The following EEFSEC variants were observed in gnomAD, a reference collection of about 807,000 sequenced individuals.
EEFSEC encodes eukaryotic elongation factor, selenocysteine-tRNA specific.
Under a neutral mutation model 42.1 loss-of-function variants are expected in EEFSEC, and 43 were observed. That is an observed-to-expected ratio of 1.02 (90% confidence interval 0.80 to 1.32). The LOEUF is 1.32. Among genes scored for constraint, EEFSEC ranks in the 40% most tolerant of loss-of-function variants. The pLI is 0.00. For missense variants in EEFSEC, 745 were observed against 803.6 expected (o/e 0.93, Z 0.88); for synonymous variants, 354 against 339.1 (o/e 1.04, Z -0.48).
At chr3:128,182,912 G>A (rs895902192) in intron 1 of EEFSEC, among the ~76,000 whole-genome samples, 30 of 151,870 alleles carry the variant, frequency 2.0e-4, no homozygotes, top group Non-Finnish European at 3.4e-4. Context: ...GTCTAGTAGT[G>A]GGGGTGGGCG....
chr3:128,383,430 T>G (rs1054881310), intron 6 of EEFSEC, among the ~76,000 whole-genome samples: 10 of 152,260 alleles, frequency 6.6e-5, no homozygotes, highest in African/African-American at 2.2e-4. Context: ...CTAAGCACTT[T>G]CTGTTATATG....
chr3:128,366,263 T>C (rs1108312), intron 6 of EEFSEC, among the ~76,000 whole-genome samples: 6,429 of 152,282 alleles, frequency 0.042, 444 homozygotes, highest in African/African-American at 0.15. Flanking sequence ...TATGGGCTGG[T>C]GACCAGAAGG....
At chr3:128,229,705 A>G (rs1003420166) in intron 1 of EEFSEC, among the ~76,000 whole-genome samples, 1 of 152,198 alleles carries the variant, frequency 6.6e-6, no homozygotes, top group Non-Finnish European at 1.5e-5. Flanking sequence ...ATTTTTTTCA[A>G]TTGGTTGTCA....
At chr3:128,413,093 A>G (rs897797729), downstream of EEFSEC, among the ~76,000 whole-genome samples, 14 of 152,044 alleles carry the variant, frequency 9.2e-5, no homozygotes, top group South Asian at 2.9e-3. Context: ...CAACACAAAC[A>G]GGGGGCAGAG....
chr3:128,372,557 C>A (rs1214310423), intron 6 of EEFSEC, among the ~76,000 whole-genome samples: 2 of 152,176 alleles, frequency 1.3e-5, no homozygotes, highest in Non-Finnish European at 2.9e-5. Flanking sequence ...GCTGGGGGTA[C>A]AGAGGGCCTG....
chr3:128,255,175 G>T (rs2066228795), intron 2 of EEFSEC, among the ~76,000 whole-genome samples: 2 of 152,152 alleles, frequency 1.3e-5, no homozygotes, highest in Non-Finnish European at 2.9e-5. Context: ...TGGCCCTCAT[G>T]GTCAGTATGC....
At chr3:128,382,423 A>T (rs967630102) in intron 6 of EEFSEC, among the ~76,000 whole-genome samples, 2 of 152,096 alleles carry the variant, frequency 1.3e-5, no homozygotes, top group African/African-American at 4.8e-5. Flanking sequence ...GGCTCCATGC[A>T]GGTGCGCCTA....
At position 128,248,008 on chromosome 3, in the gene EEFSEC, C is replaced by T. The variant is rs1198067069; in HGVS notation, c.524+965C>T. 4.6e-5 allele frequency among the ~76,000 whole-genome samples: 7 copies of T among 152,082 alleles called. No individual in the cohort carries two copies. The East Asian group carries it at 5.8e-4, about 13-fold the overall frequency. On this transcript the variant is annotated intron_variant, in intron 2 of 6. Transcript: ENST00000254730. ...AGTGCTACCTAGAAGGGCAGGGGTG[C>T]GGGAGGCACAGGGGGACTGTGAGAC...
intron 1 of EEFSEC, among the ~76,000 whole-genome samples, chr3:128,192,288 G>A (rs1576533472): frequency 6.6e-6 from 1 of 152,144 alleles, no homozygotes; most frequent in Non-Finnish European, 1.5e-5. Flanking sequence ...AACCTGACAC[G>A]GTTGGGTGTG....
chr3:128,266,518 G>A (rs757188193), intron 4 of EEFSEC, among the ~76,000 whole-genome samples: 2 of 151,918 alleles, frequency 1.3e-5, no homozygotes, highest in African/African-American at 2.4e-5. Context: ...ACTTCCTTCT[G>A]CAGGGGCCAG....
Position 128,401,351 on chromosome 3 carries a change from A to G in EEFSEC, c.1601-6718A>G, listed in dbSNP as rs530245533. Among the ~76,000 whole-genome samples, 10 of 152,272 alleles carry G rather than the reference A, an allele frequency of 6.6e-5. No homozygotes were observed. The South Asian group carries it at 1.2e-3, about 19-fold the overall frequency. On this transcript the variant is annotated intron_variant, in intron 6 of 6. Transcript: ENST00000254730. Reference sequence around the variant, plus strand: ...ATCCATACTCATTCCCTTTGTTTTCATCAAACCTCCCTGAGCCCGTGTGCT... The same window carrying G: ...ATCCATACTCATTCCCTTTGTTTTCGTCAAACCTCCCTGAGCCCGTGTGCT...
chr3:128,278,395 C>G (rs2066490271), intron 4 of EEFSEC, among the ~76,000 whole-genome samples: 1 of 152,140 alleles, frequency 6.6e-6, no homozygotes, highest in African/African-American at 2.4e-5. Context: ...AGTGACAGGC[C>G]AGGTGGAGGA....
At chr3:128,399,888 C>T (rs943873823) in intron 6 of EEFSEC, among the ~76,000 whole-genome samples, 3 of 152,178 alleles carry the variant, frequency 2.0e-5, no homozygotes, top group African/African-American at 7.2e-5. Context: ...GCCCTGCTAG[C>T]AGGCAGAGGG....
At chr3:128,296,584 T>C (rs1336489316) in intron 4 of EEFSEC, among the ~76,000 whole-genome samples, 5 of 152,168 alleles carry the variant, frequency 3.3e-5, no homozygotes, top group Non-Finnish European at 7.4e-5. Flanking sequence ...TGTCTCCTCG[T>C]CATCCGCACA....
chr3:128,368,026 TGCTGCCACA>T (rs2067610821), intron 6 of EEFSEC, among the ~76,000 whole-genome samples: 1 of 152,242 alleles, frequency 6.6e-6, no homozygotes, highest in Admixed American at 6.5e-5. Flanking sequence ...GCCAGGATGG[TGCTGCCACA>T]GCCTAGATCC....
intron 1 of EEFSEC, among the ~76,000 whole-genome samples, chr3:128,244,071 T>A (rs960628573): frequency 2.0e-5 from 3 of 152,148 alleles, no homozygotes; most frequent in Non-Finnish European, 4.4e-5. Flanking sequence ...GGGCACAGCT[T>A]CACCCACCGG....
At chr3:128,173,729 G>C (rs2065321471) in intron 1 of EEFSEC, among the ~76,000 whole-genome samples, 1 of 152,164 alleles carries the variant, frequency 6.6e-6, no homozygotes, top group African/African-American at 2.4e-5. Flanking sequence ...ATTAGTGTCA[G>C]CTTCCAGTTT....
intron 6 of EEFSEC, among the ~76,000 whole-genome samples, chr3:128,364,763 G>C (rs2067568675): frequency 6.6e-6 from 1 of 152,202 alleles, no homozygotes; most frequent in Non-Finnish European, 1.5e-5. Context: ...GGAAGCAGGG[G>C]CTGGGAAGGC....
intron 4 of EEFSEC, among the ~76,000 whole-genome samples, chr3:128,330,312 G>A (rs1252776348): frequency 6.6e-6 from 1 of 152,162 alleles, no homozygotes; most frequent in African/African-American, 2.4e-5. Context: ...TGGGCCACAT[G>A]GTAGAAAGCC....
Sources: allele counts gnomAD v4.1 joint callset (sites outside exome capture counted in the v4.1 genomes callset), GRCh38; gene constraint gnomAD v4.1.1; transcripts MANE v1.5; gene names NCBI Gene and HGNC (gene_info 2026-07-23, HGNC 2026-07-21).